BCL2: variants seen among roughly 807,000 people sequenced by gnomAD.
The protein encoded by BCL2 is BCL2 apoptosis regulator, also known as apoptosis regulator Bcl-2.
In BCL2, 1 loss-of-function variant was observed where a neutral mutation model predicts 14.2. That is an observed-to-expected ratio of 0.07 (90% CI 0.02 to 0.33). The LOEUF is 0.33. Among genes scored for constraint, BCL2 ranks in the 10% least tolerant of loss-of-function variants. The probability of loss-of-function intolerance (pLI) is 0.99; values close to 1 mark genes in which losing one functional copy is unlikely to be tolerated. For synonymous variants in BCL2, 151 were observed against 137.2 expected (o/e 1.10, Z -0.70); for missense variants, 247 against 305.9 (o/e 0.81, Z 1.44).
intron 2 of BCL2, among the ~76,000 whole-genome samples, chr18:63,223,308 G>C (rs1910454547): frequency 6.6e-6 from 1 of 152,028 alleles, no homozygotes; most frequent in Non-Finnish European, 1.5e-5. Flanking sequence ...GCTGAGGCAG[G>C]AGCATGGTGT....
At chr18:63,293,078 G>A (rs1490235397) in intron 2 of BCL2, among the ~76,000 whole-genome samples, 3 of 152,088 alleles carry the variant, frequency 2.0e-5, no homozygotes, top group African/African-American at 4.8e-5. Context: ...GCACCAAGAC[G>A]ACCTCACCCC....
chr18:63,141,411 T>C (rs1358422787), intron 2 of BCL2, among the ~76,000 whole-genome samples: 1 of 152,038 alleles, frequency 6.6e-6, no homozygotes, highest in East Asian at 1.9e-4. Context: ...GAGGCCTTTC[T>C]TGGCACAGCA....
At chr18:63,180,986 C>G (rs1255644539) in intron 2 of BCL2, among the ~76,000 whole-genome samples, 2 of 152,178 alleles carry the variant, frequency 1.3e-5, no homozygotes, top group African/African-American at 4.8e-5. Flanking sequence ...GCTTTTCATG[C>G]CTTTAAAAAC....
intron 2 of BCL2, among the ~76,000 whole-genome samples, chr18:63,299,751 T>C (rs1293025087): frequency 6.6e-6 from 1 of 152,118 alleles, no homozygotes; most frequent in East Asian, 1.9e-4. Flanking sequence ...CTCTGCTTAT[T>C]TGCATATGGT....
At chr18:63,231,620 A>G (rs936084128) in intron 2 of BCL2, among the ~76,000 whole-genome samples, 2 of 152,064 alleles carry the variant, frequency 1.3e-5, no homozygotes, top group African/African-American at 4.8e-5. Flanking sequence ...TGAGGTACCT[A>G]GGAATAAATC....
Position 63,318,545 on chromosome 18 carries a change from C to T in BCL2, c.122G>A (p.Gly41Glu). The stretch of plus-strand genomic sequence containing the variant: ...GAAGATGCCCGGTGCGGGGGCGGCC[C>T]CCGGGGGCGCGGCGCCCACATCTCC... ...DAGDVGAAPP[G>E]AAPAPGIFSS... Residue 41 changes from glycine to glutamate, a missense_variant, in exon 2 of 3, where the codon GGG becomes GAG. Physicochemically the swap from Gly to Glu is moderately conservative, Grantham distance 98. This residue lies in a region of BCL2 where 144 missense variants were observed against 135.3 expected (regional missense o/e 1.06). Coordinates refer to ENST00000333681, the MANE Select transcript of BCL2 (RefSeq NM_000633.3). This position sits in a 1 kb window ranked among gnomAD's most constrained non-coding sequence, Gnocchi z 7.4. 6.3e-7 allele frequency: 1 copy of T among 1,588,228 alleles called. No homozygotes were observed. The highest frequency in any genetic ancestry group is 1.1e-5 in the South Asian group (1 of 89,906).
intron 2 of BCL2, among the ~76,000 whole-genome samples, chr18:63,147,406 G>A (rs1914540461): frequency 6.6e-6 from 1 of 152,222 alleles, no homozygotes; most frequent in Non-Finnish European, 1.5e-5. Flanking sequence ...CAGCCCTGCT[G>A]GCTTGCATTC....
chr18:63,280,947 T>C (rs1485741471), intron 2 of BCL2, among the ~76,000 whole-genome samples: 1 of 152,178 alleles, frequency 6.6e-6, no homozygotes, highest in Admixed American at 6.5e-5. Context: ...TATCCATCAA[T>C]AAATGAACGG....
At chr18:63,198,577 CAG>C (rs1909537788) in intron 2 of BCL2, among the ~76,000 whole-genome samples, 1 of 74,470 alleles carries the variant, frequency 1.3e-5, no homozygotes, top group East Asian at 4.4e-4. Context: ...CATTGACACA[CAG>C]ACACATAGAC....
chr18:63,201,961 A>G lies in BCL2; in HGVS notation c.586-73202T>C, dbSNP rs1909708173. Among the ~76,000 whole-genome samples the G allele has an allele frequency of 3.3e-5, 5 of 152,186 alleles. No homozygotes were observed. The South Asian group carries it at 1.0e-3, about 32-fold the overall frequency. On this transcript the variant is annotated intron_variant, in intron 2 of 2. Coordinates refer to ENST00000333681, the MANE Select transcript of BCL2 (RefSeq NM_000633.3). ...CCTGCACGTTCTGCACATGTACCCC[A>G]GAAATTAAAGTATAATAATAATAAT...
intron 2 of BCL2, among the ~76,000 whole-genome samples, chr18:63,219,831 C>G (rs959502941): frequency 2.0e-4 from 30 of 152,200 alleles, no homozygotes; most frequent in African/African-American, 6.5e-4. Flanking sequence ...ACACCATTAT[C>G]ATGAACACAT....
intron 2 of BCL2, among the ~76,000 whole-genome samples, chr18:63,220,192 T>G (rs1385864380): frequency 2.0e-5 from 3 of 152,206 alleles, no homozygotes; most frequent in Admixed American, 6.5e-5. Flanking sequence ...ATGATAATTT[T>G]TTGTTTGAAA....
intron 2 of BCL2, among the ~76,000 whole-genome samples, chr18:63,310,315 T>A (rs912053861): frequency 3.9e-5 from 6 of 152,166 alleles, no homozygotes; most frequent in African/African-American, 1.4e-4. Context: ...CATGCCCCAG[T>A]CAAATCAGAC....
intron 2 of BCL2, among the ~76,000 whole-genome samples, chr18:63,218,766 A>C (rs1246299149): frequency 1.2e-3 from 5 of 4,228 alleles, no homozygotes; most frequent in Non-Finnish European, 1.9e-3. Context: ...ATCCCCCTCT[A>C]CTCATCCCCA....
At chr18:63,319,077 C>T (rs545059985) in intron 1 of BCL2, 97 bp downstream of exon 1, 5 of 1,073,420 alleles carry the variant, frequency 4.7e-6, no homozygotes, top group South Asian at 8.9e-5. Context: ...ATTAAGCTGC[C>T]TGGAAATTAA....
intron 2 of BCL2, among the ~76,000 whole-genome samples, chr18:63,181,049 C>T (rs1273153500): frequency 6.6e-6 from 1 of 152,164 alleles, no homozygotes; most frequent in Non-Finnish European, 1.5e-5. Flanking sequence ...TCATGGCTCA[C>T]GACGGAGGCC....
At chr18:63,195,500 G>T (rs1909421520) in intron 2 of BCL2, among the ~76,000 whole-genome samples, 1 of 152,086 alleles carries the variant, frequency 6.6e-6, no homozygotes, top group Non-Finnish European at 1.5e-5. Flanking sequence ...CACTTGCAAG[G>T]TCCAAAAATC....
chr18:63,319,044 A>G, intron 1 of BCL2, 92 bp from the exon 2 acceptor site: 1 of 1,098,732 alleles, frequency 9.1e-7, no homozygotes, highest in Non-Finnish European at 1.1e-6. Flanking sequence ...ACACACTACA[A>G]GTAACACGGC....
rs187197608 is a variant in BCL2, at chr18:63,210,877, C to T, written c.586-82118G>A. On this transcript the variant is annotated intron_variant, in intron 2 of 2. Transcript: ENST00000333681. ...GTCCTGGCGACCCACACTTTGGACC[C>T]CATTCACCATCTCATTGTTCTGTGA... Among the ~76,000 whole-genome samples the T allele has an allele frequency of 8.5e-5, 13 of 152,158 alleles. No individual in the cohort carries two copies. In the East Asian group the frequency reaches 2.1e-3, roughly 25 times the overall value.
Sources: allele counts gnomAD v4.1 joint callset (sites outside exome capture counted in the v4.1 genomes callset), GRCh38; gene constraint gnomAD v4.1.1; regional missense constraint gnomAD v4.1.1; non-coding constraint Gnocchi (gnomAD v3.1); transcripts MANE v1.5; gene names NCBI Gene and HGNC (gene_info 2026-07-23, HGNC 2026-07-21).